Variants in ZNF28 observed in about 807,000 individuals in gnomAD.
ZNF28 encodes zinc finger protein KOX24.
In ZNF28, 5 loss-of-function variants were observed where a neutral mutation model predicts 7.2. The ratio of observed to expected loss-of-function variants is 0.70; its 90% CI spans 0.36 to 1.46. ZNF28 has a LOEUF of 1.46. Ranked by LOEUF, ZNF28 falls within the 40% of genes most tolerant of loss-of-function variation. ZNF28 has a pLI of 0.03. For missense variants in ZNF28, 879 were observed against 866.6 expected, an observed-to-expected ratio of 1.01 and a Z score of -0.18; for synonymous variants, 288 against 292.4, an observed-to-expected ratio of 0.99 and a Z score of 0.15.
chr19:52,809,344 T>C (rs1208361094), intron 2 of ZNF28, among the ~76,000 whole-genome samples: 1 of 152,236 alleles, frequency 6.6e-6, no homozygotes, highest in Admixed American at 6.5e-5. Context: ...CAATTTCCAA[T>C]GCAGATGTCA....
At chr19:52,811,484 G>A (rs2063038253) in intron 2 of ZNF28, among the ~76,000 whole-genome samples, 1 of 149,344 alleles carries the variant, frequency 6.7e-6, no homozygotes, top group Non-Finnish European at 1.5e-5. Context: ...TCTAGGAAGT[G>A]AGGAGCGTCT....
At chr19:52,811,547 C>T (rs1205641007) in intron 2 of ZNF28, among the ~76,000 whole-genome samples, 2 of 149,370 alleles carry the variant, frequency 1.3e-5, no homozygotes, top group Non-Finnish European at 3.0e-5. Context: ...CCCCACCGCC[C>T]TGTCTGGGAT....
chr19:52,811,745 C>A (rs1320092163), intron 2 of ZNF28, among the ~76,000 whole-genome samples: 7 of 149,132 alleles, frequency 4.7e-5, no homozygotes, highest in African/African-American at 1.5e-4. Flanking sequence ...GCAGCCGCCC[C>A]GTCCGGGAGG....
Position 52,800,321 on chromosome 19 carries a change from T to C in ZNF28, c.1524A>G (p.Ser508=), listed in dbSNP as rs550219941. Residue 508 remains serine (S), a synonymous_variant, in exon 4 of 4, where the codon TCA becomes TCG. Transcript: ENST00000457749. The stretch of plus-strand genomic sequence containing the variant: ...GAACTCTCTGATGTTCTGTAAGGCA[T>C]GAATCACTCCGGAAAGCCTTGTCAC... ...KVCDKAFRSD[S]CLTEHQRVHT... is the part of the protein sequence containing the mutation. 2 of 1,613,944 alleles carry C rather than the reference T, an allele frequency of 1.2e-6. No homozygotes were observed. Among genetic ancestry groups the C allele is most frequent in the Non-Finnish European group, 1.7e-6 (2 of 1,179,974 alleles).
At chr19:52,808,294 A>C (rs1048308613) in intron 2 of ZNF28, among the ~76,000 whole-genome samples, 161 bp from the exon 3 acceptor site, 1 of 152,204 alleles carries the variant, frequency 6.6e-6, no homozygotes, top group African/African-American at 2.4e-5. Context: ...ATACTTTTTG[A>C]AGTGATCAAG....
At chr19:52,818,081 C>G in intron 1 of ZNF28, 50 bp from the exon 2 acceptor site, 1 of 1,489,152 alleles carries the variant, frequency 6.7e-7, no homozygotes, top group South Asian at 1.2e-5. Flanking sequence ...CACATCCCCT[C>G]CCTGTAACAC....
rs2062813838 is a variant in ZNF28 at position 52,797,696 on chromosome 19, T to C, written c.*1992A>G. On this transcript the variant is annotated 3_prime_UTR_variant, in exon 4 of 4. Coordinates refer to ENST00000457749, the MANE Select transcript of ZNF28 (RefSeq NM_006969.5). ...TGAAATCTACAAACATTGATCAAAA[T>C]GATTAAAAACATATAAATACACATA... 1.9e-5 allele frequency: 3 copies of C among 154,020 alleles called. No homozygotes were observed. The highest frequency in any genetic ancestry group is 3.4e-3 in the Middle Eastern group (1 of 294). The allele number at this position is 154,020 out of a possible 1,614,324, so 9.5% of individuals were successfully genotyped here. A position where few individuals can be genotyped will look rare whatever the true frequency, so the allele number is the denominator to read the frequency against.
rs1005075075 is a variant in ZNF28 at position 52,799,409 on chromosome 19, G to A, written c.*279C>T. 15 of 664,084 alleles carry A rather than the reference G, an allele frequency of 2.3e-5. No homozygotes were observed. The highest frequency in any genetic ancestry group is 8.2e-5 in the East Asian group (3 of 36,716). 41.1% of individuals were successfully genotyped at this position (664,084 alleles called of 1,614,324 possible). A position where few individuals can be genotyped will look rare whatever the true frequency, so the allele number is the denominator to read the frequency against. On this transcript the variant is annotated 3_prime_UTR_variant, in exon 4 of 4. Transcript: ENST00000457749. Reference sequence around the variant, plus strand: ...GTGTTTCAAGGTTTGATTTGCAACCGAAAACTTTGTCACATTCTTCCTATT... The same window carrying A: ...GTGTTTCAAGGTTTGATTTGCAACCAAAAACTTTGTCACATTCTTCCTATT...
Position 52,801,428 on chromosome 19 carries a change from C to G in ZNF28, c.417G>C (p.Gln139His), listed in dbSNP as rs746066990. 8 of 1,614,102 alleles carry G rather than the reference C, an allele frequency of 5.0e-6. No homozygotes were observed. The highest frequency in any genetic ancestry group is 6.8e-6 in the Non-Finnish European group (8 of 1,180,052). ...GATGCGAATGAAAGCTTAATCCAAGCTGATCTTTAATATGCTTGTTTCCAG... is the reference window on the plus strand; with the variant it reads ...GATGCGAATGAAAGCTTAATCCAAGGTGATCTTTAATATGCTTGTTTCCAG... ...RHAGNKHIKDQLGLSFHSHLP... is the reference protein window; with the variant it reads ...RHAGNKHIKDHLGLSFHSHLP... Residue 139 changes from glutamine (Q) to histidine (H), a missense_variant, in exon 4 of 4, where the codon CAG becomes CAC. Around this residue, in one of 2 missense-constraint regions of ZNF28, gnomAD observed 864 missense variants for 830.2 expected, o/e 1.04. Transcript: ENST00000457749.
chr19:52,809,835 G>A (rs527744584), intron 2 of ZNF28: 12 of 559,638 alleles, frequency 2.1e-5, no homozygotes, highest in Admixed American at 1.4e-4. Context: ...CGGCGGCGGC[G>A]GCGGTGGCGG....
At position 52,811,154 on chromosome 19, in the gene ZNF28, G is replaced by C. The variant is rs1204296991; in HGVS notation, c.16-3021C>G. ...AGTGATCCGCCAGCCTCGGCCTCCC[G>C]AGGTGCCGGGATTGCAGATGGAGTC... On this transcript the variant is annotated intron_variant, in intron 2 of 3. Coordinates refer to ENST00000457749, the MANE Select transcript of ZNF28 (RefSeq NM_006969.5). Among the ~76,000 whole-genome samples, 3 of 149,850 alleles carry C rather than the reference G, an allele frequency of 2.0e-5. 1 individual carries two copies. The highest frequency in any genetic ancestry group is 7.3e-5 in the African/African-American group (3 of 40,824).
At chr19:52,812,762 T>TAACAAA (rs2063070304) in intron 2 of ZNF28, among the ~76,000 whole-genome samples, 1 of 75,400 alleles carries the variant, frequency 1.3e-5, no homozygotes, top group Non-Finnish European at 2.8e-5. Flanking sequence ...GAATGATCAA[T>TAACAAA]AAAAAAAAAA....
Position 52,818,079 on chromosome 19 carries a change from CT to C in ZNF28, c.-73-49del, listed in dbSNP as rs555213693. ...TTATTGCTCAGAATCAACACATCCC[CT>C]CCCTGTAACACAACAACACATACAA... On this transcript the variant is annotated intron_variant, in intron 1 of 3. Transcript: ENST00000457749. 396 of 1,495,418 alleles carry C rather than the reference CT, an allele frequency of 2.6e-4. 2 individuals are homozygous for C. The African/African-American group carries it at 5.1e-3, about 19-fold the overall frequency. 92.6% of individuals were successfully genotyped at this position (1,495,418 alleles called of 1,614,324 possible). A position where few individuals can be genotyped will look rare whatever the true frequency, so the allele number is the denominator to read the frequency against.
intron 2 of ZNF28, among the ~76,000 whole-genome samples, chr19:52,810,894 TCCCC>T (rs1568655906): frequency 7.7e-4 from 3 of 3,888 alleles, no homozygotes; most frequent in Admixed American, 2.5e-3. Flanking sequence ...CCCCTCCCCC[TCCCC>T]CTCCCTCTCC....
rs763086804 is a variant in ZNF28, at chr19:52,800,016, T to A, written c.1829A>T (p.Asn610Ile). Residue 610 changes from asparagine to isoleucine, a missense_variant, in exon 4 of 4, where the codon AAT becomes ATT. Coordinates refer to ENST00000457749, the MANE Select transcript of ZNF28 (RefSeq NM_006969.5). ...VHTGEKPYKCNECGKTFRQTS... is the reference protein window; with the variant it reads ...VHTGEKPYKCIECGKTFRQTS... ...CTGACGGAAGGTCTTGCCACACTCA[T>A]TACACTTGTAAGGTTTCTCTCCAGT... The A allele has an allele frequency of 7.4e-6, 12 of 1,614,092 alleles. No individual in the cohort carries two copies. The highest frequency in any genetic ancestry group is 1.3e-5 in the African/African-American group (1 of 74,940).
In ZNF28 at chr19:52,815,575, A is replaced by C. The variant is rs1243369203; in HGVS notation, c.15+2369T>G. Among the ~76,000 whole-genome samples the C allele has an allele frequency of 3.4e-5, 5 of 146,840 alleles. 1 individual carries two copies. Among genetic ancestry groups the C allele is most frequent in the Non-Finnish European group, 7.4e-5 (5 of 67,658 alleles). ...CGTGGTGGCTCACGCCTGTAATCCC[A>C]GCACTTTGGGAGGCCGAGGCGGGCG... On this transcript the variant is annotated intron_variant, in intron 2 of 3. Transcript: ENST00000457749.
At chr19:52,810,569 C>G (rs879036587) in intron 2 of ZNF28, 1 of 1,592,790 alleles carries the variant, frequency 6.3e-7, no homozygotes, top group East Asian at 2.2e-5. Context: ...AGACCGGGGT[C>G]TTCCACGAGC....
At chr19:52,820,301 T>A (rs2063179459) in intron 1 of ZNF28, among the ~76,000 whole-genome samples, 1 of 134,640 alleles carries the variant, frequency 7.4e-6, no homozygotes, top group Non-Finnish European at 1.5e-5. Context: ...GTATTTTTAG[T>A]AGAGACGGGG....
At chr19:52,810,824 A>T (rs1235082396) in intron 2 of ZNF28, 30 of 285,344 alleles carry the variant, frequency 1.1e-4, no homozygotes, top group African/African-American at 3.1e-4. Context: ...ATATATATAT[A>T]TTTTTAAAAA....
Sources: allele counts gnomAD v4.1 joint callset (sites outside exome capture counted in the v4.1 genomes callset), GRCh38; gene constraint gnomAD v4.1.1; regional missense constraint gnomAD v4.1.1; transcripts MANE v1.5; gene names NCBI Gene and HGNC (gene_info 2026-07-23, HGNC 2026-07-21).